The following FABP6 variants were observed in gnomAD, a reference collection of about 807,000 sequenced individuals.
The protein encoded by FABP6 is fatty acid binding protein 6.
A neutral mutation model predicts 14.9 loss-of-function variants in FABP6; 13 were observed. The ratio of observed to expected loss-of-function variants is 0.87; its 90% CI spans 0.57 to 1.39. FABP6 has a LOEUF of 1.39. Among genes scored for constraint, FABP6 ranks in the 40% most tolerant of loss-of-function variants. The pLI, the probability that FABP6 is intolerant of heterozygous loss-of-function variation, is 0.00. For synonymous variants in FABP6, 75 were observed against 63.6 expected (o/e 1.18, Z -0.85); for missense variants, 161 against 167.2 (o/e 0.96, Z 0.20).
Position 160,238,500 on chromosome 5 carries a change from C to T in FABP6, c.334-106C>T, listed in dbSNP as rs577551524. 8.5e-6 allele frequency: 8 copies of T among 946,082 alleles called. No individual in the cohort carries two copies. In the South Asian group the frequency reaches 1.1e-4, roughly 13 times the overall value. The allele number at this position is 946,082 out of a possible 1,614,324, so 58.6% of individuals were successfully genotyped here. ...GCCGAAAGAAGTGGTGCGCCTGACT[C>T]TTATCTACTCAAGGCCGGGGTTGGA... On this transcript the variant is annotated intron_variant, in intron 3 of 3. Transcript: ENST00000402432.
chr5:160,195,739 C>T (rs1006157318), intron 1 of FABP6: 5 of 152,240 alleles, frequency 3.3e-5, no homozygotes, highest in Admixed American at 2.0e-4. Flanking sequence ...GCCCACCTGG[C>T]TATTTTTTCC....
chr5:160,193,263 G>A (rs565315822), intron 1 of FABP6, among the ~76,000 whole-genome samples: 43 of 152,172 alleles, frequency 2.8e-4, no homozygotes, highest in African/African-American at 1.0e-3. Flanking sequence ...CACGTCTGGA[G>A]TTGTTCGTTC....
chr5:160,190,181 C>T (rs761722774), intron 1 of FABP6, among the ~76,000 whole-genome samples: 1 of 152,190 alleles, frequency 6.6e-6, no homozygotes, highest in African/African-American at 2.4e-5. Flanking sequence ...CCTCTTTGGT[C>T]AAGGGACAAG....
At chr5:160,234,357 C>T (rs1348346273) in intron 2 of FABP6, among the ~76,000 whole-genome samples, 1 of 139,364 alleles carries the variant, frequency 7.2e-6, no homozygotes, top group African/African-American at 2.6e-5. Flanking sequence ...AACATATTTT[C>T]ATACTTTCTC....
chr5:160,193,935 G>T (rs1010576044), intron 1 of FABP6, among the ~76,000 whole-genome samples: 1 of 152,250 alleles, frequency 6.6e-6, no homozygotes, highest in African/African-American at 2.4e-5. Flanking sequence ...ACTGGGCGCC[G>T]TGGGGCAGGG....
At chr5:160,222,686 C>T (rs1050230583) in intron 3 of FABP6, among the ~76,000 whole-genome samples, 2 of 152,088 alleles carry the variant, frequency 1.3e-5, no homozygotes, top group African/African-American at 4.8e-5. Context: ...AAATAAACCC[C>T]CTTTTTATTA....
At chr5:160,213,350 T>A (rs1162905601) in intron 2 of FABP6, among the ~76,000 whole-genome samples, 1 of 152,172 alleles carries the variant, frequency 6.6e-6, no homozygotes, top group Non-Finnish European at 1.5e-5. Context: ...GACAAGAGAA[T>A]CCATTCTGGT....
At chr5:160,215,685 C>CAA (rs112644160) in intron 3 of FABP6, among the ~76,000 whole-genome samples, 1,448 of 104,116 alleles carry the variant, frequency 0.014, 26 homozygotes, top group African/African-American at 0.048. Context: ...AAGACCTTGT[C>CAA]AAAAAAAAAA....
At chr5:160,238,407 T>A (rs1293813593) in intron 3 of FABP6, among the ~76,000 whole-genome samples, 199 bp from the exon 4 acceptor site, 2 of 152,136 alleles carry the variant, frequency 1.3e-5, no homozygotes, top group Non-Finnish European at 2.9e-5. Context: ...ACATCACCCC[T>A]CACAGCTGGT....
At position 160,234,924 on chromosome 5, in the gene FABP6, G is replaced by T; in HGVS notation, c.333+15G>T. ...AGCTGGTGGAGGTGAGTGTCATGCT[G>T]ATTCCTGGGATGATTATTGGATATT... On this transcript the variant is annotated intron_variant, in intron 3 of 3. Coordinates refer to ENST00000402432, the MANE Select transcript of FABP6 (RefSeq NM_001445.3). 3 of 1,603,552 alleles carry T rather than the reference G, an allele frequency of 1.9e-6. No homozygotes were observed. Among genetic ancestry groups the T allele is most frequent in the South Asian group, 2.2e-5 (2 of 90,084 alleles).
At chr5:160,233,358 T>G (rs1760434762) in intron 2 of FABP6, among the ~76,000 whole-genome samples, 1 of 151,904 alleles carries the variant, frequency 6.6e-6, no homozygotes, top group African/African-American at 2.4e-5. Flanking sequence ...CTTGGCTGGG[T>G]TTGAAACCAT....
chr5:160,201,705 C>T (rs1384618125), intron 2 of FABP6, among the ~76,000 whole-genome samples: 1 of 145,694 alleles, frequency 6.9e-6, no homozygotes, highest in Non-Finnish European at 1.5e-5. Flanking sequence ...TTCAGGAAGC[C>T]ACCTGTCCTG....
At chr5:160,225,595 G>A (rs569211782), upstream of FABP6, among the ~76,000 whole-genome samples, 83 of 150,446 alleles carry the variant, frequency 5.5e-4, no homozygotes, top group Non-Finnish European at 1.1e-3. Flanking sequence ...GTAGAGATGG[G>A]TTTCACTGTT....
intron 1 of FABP6, among the ~76,000 whole-genome samples, chr5:160,190,644 G>A (rs1759376034): frequency 6.6e-6 from 1 of 152,154 alleles, no homozygotes; most frequent in Non-Finnish European, 1.5e-5. Context: ...TAGCTTCAGA[G>A]TAACCAGTTG....
chr5:160,199,111 A>AGACAGT, exon 2 of FABP6: 1 of 1,614,144 alleles, frequency 6.2e-7, no homozygotes, highest in Non-Finnish European at 8.5e-7. Flanking sequence ...GAGGCGATGA[A>AGACAGT]GACAGTGACG....
intron 1 of FABP6, among the ~76,000 whole-genome samples, chr5:160,194,360 C>T (rs1759467358): frequency 1.3e-5 from 2 of 152,168 alleles, no homozygotes; most frequent in Admixed American, 1.3e-4. Context: ...TCCCACAGTG[C>T]AGTGGTGGGC....
intron 1 of FABP6, among the ~76,000 whole-genome samples, chr5:160,229,968 C>T (rs766750668): frequency 2.4e-4 from 37 of 151,102 alleles, no homozygotes; most frequent in African/African-American, 7.8e-4. Flanking sequence ...TCGGCTCCCA[C>T]GTTCAAGTAA....
Position 160,198,837 on chromosome 5 carries a change from G to A in FABP6, c.-58-212G>A, listed in dbSNP as rs188148200. On this transcript the variant is annotated intron_variant, in intron 1 of 6. Coordinates refer to the FABP6 transcript ENST00000393980. Reference sequence around the variant, plus strand: ...CTGAAAACGACCTCTTCAAATACTGGCCCATCATCCTGTTGTTCTTTACAG... The same window carrying A: ...CTGAAAACGACCTCTTCAAATACTGACCCATCATCCTGTTGTTCTTTACAG... The A allele has an allele frequency of 2.3e-4, 113 of 492,924 alleles. 1 individual carries two copies. The East Asian group carries it at 3.8e-3, about 17-fold the overall frequency. 30.5% of individuals were successfully genotyped at this position (492,924 alleles called of 1,614,324 possible).
At chr5:160,213,844 A>ACCCC in intron 3 of FABP6, 5 of 1,591,724 alleles carry the variant, frequency 3.1e-6, no homozygotes, top group Non-Finnish European at 4.3e-6. Context: ...AAGGGAGGGA[A>ACCCC]GGGTTCCTGA....
Sources: allele counts gnomAD v4.1 joint callset (sites outside exome capture counted in the v4.1 genomes callset), GRCh38; gene constraint gnomAD v4.1.1; transcripts MANE v1.5; gene names NCBI Gene and HGNC (gene_info 2026-07-23, HGNC 2026-07-21).